The following CSMD1 variants were observed in gnomAD, a reference collection of about 807,000 sequenced individuals.
CSMD1 encodes CUB and sushi domain-containing protein 1.
In CSMD1, 213 loss-of-function variants were observed where a neutral mutation model predicts 417.5. That is an observed-to-expected ratio of 0.51 (90% CI 0.46 to 0.57). The LOEUF (loss-of-function observed/expected upper bound fraction) is 0.57, where lower values mean the gene tolerates loss of function less well. CSMD1 is among the 20% of genes least tolerant of loss of function. The probability of loss-of-function intolerance (pLI) is 0.00; values close to 1 mark genes in which losing one functional copy is unlikely to be tolerated. For missense variants in CSMD1, 6,923 were observed against 4,529.7 expected (o/e 1.53, Z -15.17); for synonymous variants, 2,862 against 1,736.8 (o/e 1.65, Z -16.11).
At chr8:4,272,281 A>C (rs186201292) in intron 3 of CSMD1, among the ~76,000 whole-genome samples, 2 of 152,204 alleles carry the variant, frequency 1.3e-5, no homozygotes, top group African/African-American at 4.8e-5. Flanking sequence ...GAAAACTTAT[A>C]AATAGAAAAA....
chr8:4,317,126 C>G (rs1798979504), intron 3 of CSMD1, among the ~76,000 whole-genome samples: 1 of 152,180 alleles, frequency 6.6e-6, no homozygotes, highest in African/African-American at 2.4e-5. Flanking sequence ...AGCACATCAT[C>G]ATCATCTAAG....
In CSMD1 at chr8:3,701,258, C is replaced by T. The variant is rs959473694; in HGVS notation, c.1009+7156G>A. 5.1e-4 allele frequency among the ~76,000 whole-genome samples: 77 copies of T among 152,282 alleles called. 2 individuals are homozygous for T. Among genetic ancestry groups the T allele is most frequent in the Admixed American group, 4.4e-3 (68 of 15,292 alleles). ...ACCTCAGTCCATTCTGGAATTGGATCATCTCGGGACAACTTTCCGAAGATG... is the reference window on the plus strand; with the variant it reads ...ACCTCAGTCCATTCTGGAATTGGATTATCTCGGGACAACTTTCCGAAGATG... On this transcript the variant is annotated intron_variant, in intron 7 of 69. Transcript: ENST00000635120.
At chr8:3,055,494 G>C (rs546079684) in intron 49 of CSMD1, among the ~76,000 whole-genome samples, 1 of 152,258 alleles carries the variant, frequency 6.6e-6, no homozygotes, top group African/African-American at 2.4e-5. Context: ...AGGCTCATGG[G>C]ATGAAGACAG....
intron 2 of CSMD1, among the ~76,000 whole-genome samples, chr8:4,549,625 A>G (rs899235767): frequency 6.6e-6 from 1 of 152,106 alleles, no homozygotes; most frequent in Non-Finnish European, 1.5e-5. Context: ...GCGGTGGCTC[A>G]CACCGGTAAT....
intron 5 of CSMD1, among the ~76,000 whole-genome samples, chr8:3,943,460 AC>A (rs1811022312): frequency 6.7e-6 from 1 of 149,336 alleles, no homozygotes. Flanking sequence ...ATTGTTTCTG[AC>A]AAAAATGATC....
rs148008422 is a variant in CSMD1 at position 4,585,098 on chromosome 8, G to GA, written c.302+52243dup. 2.0e-3 allele frequency among the ~76,000 whole-genome samples: 283 copies of GA among 138,928 alleles called. 1 individual carries two copies. The highest frequency in any genetic ancestry group is 3.6e-3 in the South Asian group (16 of 4,410). The allele number at this position is 138,928 out of a possible 152,430, so 91.1% of individuals were successfully genotyped here. Reference sequence around the variant, plus strand: ...AAAAGACCAAGTGATCAAAAACTGAGAAAAAAAAAAAAAGTACAATAGAAA... The same window carrying GA: ...AAAAGACCAAGTGATCAAAAACTGAGAAAAAAAAAAAAAAGTACAATAGAAA... On this transcript the variant is annotated intron_variant, in intron 2 of 69. Coordinates refer to ENST00000635120, the MANE Select transcript of CSMD1 (RefSeq NM_033225.6).
chr8:3,142,701 A>ATT, intron 40 of CSMD1, 27 bp from the exon 41 acceptor site: 1 of 1,538,884 alleles, frequency 6.5e-7, no homozygotes, highest in Non-Finnish European at 9.0e-7. Context: ...AAACTTAATG[A>ATT]AAGTTCATAT....
chr8:3,446,295 T>A (rs2117082946), intron 12 of CSMD1, among the ~76,000 whole-genome samples: 1 of 152,338 alleles, frequency 6.6e-6, no homozygotes, highest in Admixed American at 6.5e-5. Flanking sequence ...GTAAAATTAG[T>A]TTTCTTTACC....
At chr8:3,874,147 G>A (rs1041440667) in intron 5 of CSMD1, among the ~76,000 whole-genome samples, 1 of 152,156 alleles carries the variant, frequency 6.6e-6, no homozygotes, top group African/African-American at 2.4e-5. Flanking sequence ...CCCTGGGGAT[G>A]CAATCTGCTA....
chr8:4,292,148 G>T (rs932121098), intron 3 of CSMD1, among the ~76,000 whole-genome samples: 5 of 152,128 alleles, frequency 3.3e-5, no homozygotes, highest in Admixed American at 1.3e-4. Context: ...ATATGAAAAT[G>T]ACCCAGGTGA....
chr8:4,988,084 G>C (rs111545823), intron 1 of CSMD1, among the ~76,000 whole-genome samples: 2 of 152,218 alleles, frequency 1.3e-5, no homozygotes, highest in African/African-American at 4.8e-5. Context: ...TCCCTCTAGA[G>C]AATCCTGACT....
intron 4 of CSMD1, among the ~76,000 whole-genome samples, chr8:4,023,615 C>G (rs1796898433): frequency 6.9e-6 from 1 of 144,864 alleles, no homozygotes; most frequent in East Asian, 2.0e-4. Context: ...GACACGGAGT[C>G]TCGCTCTGTC....
At chr8:3,853,397 C>T (rs1037788825) in intron 5 of CSMD1, among the ~76,000 whole-genome samples, 3 of 152,108 alleles carry the variant, frequency 2.0e-5, no homozygotes, top group South Asian at 4.1e-4. Context: ...TGGTATAGCA[C>T]GCTCTATAAT....
intron 7 of CSMD1, among the ~76,000 whole-genome samples, chr8:3,641,188 G>C (rs901822360): frequency 3.0e-4 from 45 of 152,066 alleles, no homozygotes; most frequent in Admixed American, 2.0e-4. Context: ...GTGATCACTT[G>C]ACTGGGGTAC....
chr8:3,991,329 G>C (rs553741029), intron 5 of CSMD1, among the ~76,000 whole-genome samples: 1 of 152,160 alleles, frequency 6.6e-6, no homozygotes, highest in African/African-American at 2.4e-5. Flanking sequence ...AGGTTGTGGC[G>C]TAGTCTGGGA....
At chr8:4,903,798 C>T (rs933528658) in intron 1 of CSMD1, among the ~76,000 whole-genome samples, 2 of 152,224 alleles carry the variant, frequency 1.3e-5, no homozygotes, top group Non-Finnish European at 2.9e-5. Flanking sequence ...GCAGGACCTA[C>T]TGTTAGCCTG....
intron 12 of CSMD1, among the ~76,000 whole-genome samples, chr8:3,426,883 G>A (rs1432863025): frequency 6.6e-6 from 1 of 152,162 alleles, no homozygotes; most frequent in Non-Finnish European, 1.5e-5. Flanking sequence ...AGTTTATAAA[G>A]GAAAGAGGTT....
intron 2 of CSMD1, among the ~76,000 whole-genome samples, chr8:4,577,410 A>G (rs1277766285): frequency 6.6e-6 from 1 of 152,152 alleles, no homozygotes; most frequent in Admixed American, 6.5e-5. Context: ...AGTCGGGGAA[A>G]TGTTCTTGGA....
chr8:3,275,257 A>G (rs1036482431), intron 26 of CSMD1, among the ~76,000 whole-genome samples: 5 of 152,140 alleles, frequency 3.3e-5, no homozygotes, highest in Non-Finnish European at 7.4e-5. Flanking sequence ...AATATTGGCC[A>G]CCGCTCTCTT....
Sources: gnomAD v4.1 joint callset for allele counts (sites outside exome capture counted in the v4.1 genomes callset) on GRCh38, gnomAD v4.1.1 for gene constraint, MANE v1.5 for transcripts, NCBI Gene and HGNC (gene_info 2026-07-23, HGNC 2026-07-21) for gene names.